IMMP2L: variants seen among roughly 807,000 people sequenced by gnomAD.
The protein encoded by IMMP2L is mitochondrial inner membrane protease subunit 2.
In IMMP2L, 18 loss-of-function variants were observed where a neutral mutation model predicts 19.3. The ratio of observed to expected loss-of-function variants is 0.93; its 90% confidence interval spans 0.64 to 1.38. IMMP2L has a LOEUF of 1.38. Among genes scored for constraint, IMMP2L ranks in the 40% most tolerant of loss-of-function variants. IMMP2L has a pLI of 0.00. For missense variants in IMMP2L, 233 were observed against 218.2 expected, an observed-to-expected ratio of 1.07 and a Z score of -0.43; for synonymous variants, 76 against 73.0, an observed-to-expected ratio of 1.04 and a Z score of -0.21.
intron 2 of IMMP2L, among the ~76,000 whole-genome samples, chr7:111,507,462 T>A (rs961286162): frequency 1.3e-5 from 2 of 152,094 alleles, no homozygotes; most frequent in African/African-American, 2.4e-5. Context: ...TTAAAAAATG[T>A]TTAAGTACCA....
At chr7:111,144,151 T>C (rs1427132932) in intron 3 of IMMP2L, among the ~76,000 whole-genome samples, 1 of 152,228 alleles carries the variant, frequency 6.6e-6, no homozygotes, top group East Asian at 1.9e-4. Context: ...GCACAAATAA[T>C]ACTTCTCTAT....
chr7:111,156,856 T>C (rs151119034), intron 3 of IMMP2L, among the ~76,000 whole-genome samples: 5 of 151,188 alleles, frequency 3.3e-5, no homozygotes, highest in African/African-American at 1.2e-4. Context: ...TGTGAGGAGG[T>C]TTTTATTTAT....
chr7:110,749,232 ACAGT>A (rs757745090), intron 5 of IMMP2L, among the ~76,000 whole-genome samples: 60 of 152,234 alleles, frequency 3.9e-4, no homozygotes, highest in Admixed American at 8.5e-4. Flanking sequence ...CAATCATTAA[ACAGT>A]CAGGAACAAC....
intron 5 of IMMP2L, among the ~76,000 whole-genome samples, chr7:110,679,920 G>A (rs1023843291): frequency 1.3e-5 from 2 of 152,174 alleles, no homozygotes; most frequent in African/African-American, 4.8e-5. Context: ...TCTCATATGA[G>A]AGGACACTTC....
intron 2 of IMMP2L, among the ~76,000 whole-genome samples, chr7:111,505,300 C>T (rs1234245615): frequency 2.0e-5 from 3 of 150,628 alleles, no homozygotes; most frequent in Non-Finnish European, 4.4e-5. Context: ...GTTAGAATGG[C>T]AATCATTAAA....
At chr7:111,164,555 G>A (rs2129607652) in intron 3 of IMMP2L, among the ~76,000 whole-genome samples, 1 of 152,118 alleles carries the variant, frequency 6.6e-6, no homozygotes, top group South Asian at 2.1e-4. Context: ...CCCACAGCAA[G>A]ACATAAAGAG....
intron 4 of IMMP2L, among the ~76,000 whole-genome samples, chr7:110,904,002 G>A (rs1010267764): frequency 6.6e-6 from 1 of 151,652 alleles, no homozygotes; most frequent in Non-Finnish European, 1.5e-5. Flanking sequence ...TCATGTAAGC[G>A]GTTTGCCATG....
intron 5 of IMMP2L, among the ~76,000 whole-genome samples, chr7:110,813,421 A>G (rs899363334): frequency 6.7e-6 from 1 of 150,370 alleles, no homozygotes; most frequent in African/African-American, 2.5e-5. Context: ...ATAAAGTTAA[A>G]ACATTTCTTT....
At chr7:110,672,811 G>C (rs1278283997) in intron 5 of IMMP2L, among the ~76,000 whole-genome samples, 1 of 152,188 alleles carries the variant, frequency 6.6e-6, no homozygotes, top group African/African-American at 2.4e-5. Context: ...GAGCTCCAAT[G>C]GCCTTGGGCA....
At chr7:110,950,841 CATATATATATATAT>C (rs34797718) in intron 4 of IMMP2L, among the ~76,000 whole-genome samples, 9 of 100,634 alleles carry the variant, frequency 8.9e-5, no homozygotes, top group Non-Finnish European at 1.1e-4. Flanking sequence ...CAAAATGTGG[CATATATATATATAT>C]ATATATATAT....
chr7:110,831,923 C>A (rs1395775758), intron 5 of IMMP2L, among the ~76,000 whole-genome samples: 1 of 152,138 alleles, frequency 6.6e-6, no homozygotes, highest in East Asian at 1.9e-4. Context: ...CTAAAGGTCC[C>A]AGCAGGGTTT....
intron 3 of IMMP2L, among the ~76,000 whole-genome samples, chr7:111,221,037 A>C (rs1421628144): frequency 6.6e-6 from 1 of 151,972 alleles, no homozygotes; most frequent in Non-Finnish European, 1.5e-5. Flanking sequence ...CACAGAAACA[A>C]CCTAAAATAA....
chr7:111,203,216 C>A (rs1300350436), intron 3 of IMMP2L, among the ~76,000 whole-genome samples: 3 of 151,836 alleles, frequency 2.0e-5, no homozygotes, highest in Non-Finnish European at 4.4e-5. Context: ...GGTTTTTTTT[C>A]TTTTACCATA....
rs548004174 is a variant in IMMP2L at position 110,808,158 on chromosome 7, T to G, written c.408+78435A>C. Among the ~76,000 whole-genome samples the G allele has an allele frequency of 6.6e-5, 10 of 152,164 alleles. No individual in the cohort carries two copies. The East Asian group carries it at 1.9e-3, about 30-fold the overall frequency. ...CTCAGTGTCTGCTTAAAATACATAT[T>G]CAAATAAAGATAAAAGCTATCTCAG... is the stretch of plus-strand genomic sequence containing the variant. On this transcript the variant is annotated intron_variant, in intron 5 of 5. Transcript: ENST00000405709.
chr7:110,870,231 C>A lies in IMMP2L; in HGVS notation c.408+16362G>T, dbSNP rs747044322. On this transcript the variant is annotated intron_variant, in intron 5 of 5. Transcript: ENST00000405709. This position sits in a 1 kb window ranked among gnomAD's most constrained non-coding sequence, Gnocchi z 4.2. Reference sequence around the variant, plus strand: ...GAGCCTTCTTCCAATCTCCACTAACCATTTTAAGTGCATTTCATTCTCTTT... The same window carrying A: ...GAGCCTTCTTCCAATCTCCACTAACAATTTTAAGTGCATTTCATTCTCTTT... Among the ~76,000 whole-genome samples the A allele has an allele frequency of 4.6e-5, 7 of 152,086 alleles. No individual in the cohort carries two copies. The highest frequency in any genetic ancestry group is 1.0e-4 in the Non-Finnish European group (7 of 68,010).
chr7:111,068,380 G>A (rs1344078091), intron 3 of IMMP2L, among the ~76,000 whole-genome samples: 3 of 152,056 alleles, frequency 2.0e-5, no homozygotes, highest in Non-Finnish European at 4.4e-5. Flanking sequence ...GTTCCAGACT[G>A]ATATAAATTA....
chr7:111,394,553 T>A (rs1191826462), intron 3 of IMMP2L, among the ~76,000 whole-genome samples: 2 of 152,142 alleles, frequency 1.3e-5, no homozygotes, highest in African/African-American at 4.8e-5. Context: ...AACACTCTGA[T>A]GGGGTTATGT....
At chr7:111,169,599 T>C (rs550914959) in intron 3 of IMMP2L, among the ~76,000 whole-genome samples, 36 of 151,948 alleles carry the variant, frequency 2.4e-4, no homozygotes, top group African/African-American at 8.0e-4. Context: ...GTATCGTAAC[T>C]CCAATCTTCC....
chr7:111,081,445 A>T (rs150458871), intron 3 of IMMP2L, among the ~76,000 whole-genome samples: 190 of 152,310 alleles, frequency 1.2e-3, no homozygotes, highest in African/African-American at 4.3e-3. Flanking sequence ...GATTTTAGAC[A>T]TGCTAGCACC....
Sources: allele counts gnomAD v4.1 joint callset (sites outside exome capture counted in the v4.1 genomes callset), GRCh38; gene constraint gnomAD v4.1.1; non-coding constraint Gnocchi (gnomAD v3.1); transcripts MANE v1.5; gene names NCBI Gene and HGNC (gene_info 2026-07-23, HGNC 2026-07-21).